HDX: variants seen among roughly 807,000 people sequenced by gnomAD.
HDX encodes the protein highly divergent homeobox.
In HDX, 19 loss-of-function variants were observed where a neutral mutation model predicts 45.2. The ratio of observed to expected loss-of-function variants is 0.42; its 90% CI spans 0.29 to 0.62. HDX has a LOEUF of 0.62. Ranked by LOEUF, HDX falls within the 20% of genes least tolerant of loss-of-function variation. The probability of loss-of-function intolerance (pLI) is 0.20; values close to 1 mark genes in which losing one functional copy is unlikely to be tolerated. For synonymous variants in HDX, 188 were observed against 172.8 expected, an observed-to-expected ratio of 1.09 and a Z score of -0.69; for missense variants, 532 against 493.9, an observed-to-expected ratio of 1.08 and a Z score of -0.73.
At chrX:84,429,362 A>G (rs1185768216) in intron 5 of HDX, among the ~76,000 whole-genome samples, 1 of 110,784 alleles carries the variant, frequency 9.0e-6, no homozygotes, top group Non-Finnish European at 1.9e-5. Flanking sequence ...TTTCACAAAT[A>G]TTTTATAGTT....
intron 4 of HDX, among the ~76,000 whole-genome samples, chrX:84,454,743 A>G (rs189839746): frequency 1.8e-3 from 197 of 110,969 alleles, no homozygotes; most frequent in African/African-American, 6.1e-3. Flanking sequence ...ACGAGGCTAT[A>G]ATTTCCATGG....
intron 6 of HDX, 70 bp downstream of exon 6, chrX:84,361,396 T>C: frequency 1.0e-6 from 1 of 961,201 alleles, no homozygotes; most frequent in Non-Finnish European, 1.5e-6. Flanking sequence ...GAGCACCTCA[T>C]GTAAGATTTT....
intron 10 of HDX, among the ~76,000 whole-genome samples, chrX:84,322,787 G>A (rs2036623947): frequency 9.0e-6 from 1 of 111,278 alleles, no homozygotes; most frequent in African/African-American, 3.2e-5. Flanking sequence ...TTACGCAGCT[G>A]ACAATGCTAA....
chrX:84,366,584 A>G (rs916558405), intron 5 of HDX, among the ~76,000 whole-genome samples: 2 of 111,849 alleles, frequency 1.8e-5, no homozygotes, highest in African/African-American at 3.3e-5. Flanking sequence ...TTTAAACTAT[A>G]CTACAAAGCT....
chrX:84,456,541 T>A (rs1227704719), intron 4 of HDX, among the ~76,000 whole-genome samples: 1 of 110,793 alleles, frequency 9.0e-6, no homozygotes, highest in Admixed American at 9.6e-5. Flanking sequence ...TCAATAACAA[T>A]ATTAAATGTA....
At chrX:84,446,313 C>T (rs1005131243) in intron 4 of HDX, among the ~76,000 whole-genome samples, 13 of 111,555 alleles carry the variant, frequency 1.2e-4, no homozygotes, top group Non-Finnish European at 2.1e-4. Context: ...TATAAATTGT[C>T]AATGTTAGCT....
At position 84,361,575 on chromosome X, in the gene HDX, G is replaced by T. The variant is rs1321501591; in HGVS notation, c.1343C>A (p.Ala448Asp). Reference sequence around the variant, plus strand: ...ATTGTCCCAATACTTCTTAAGGGTGGCTAAGTCTCGGTCACTGAACTGAGT... The same window carrying T: ...ATTGTCCCAATACTTCTTAAGGGTGTCTAAGTCTCGGTCACTGAACTGAGT... ...DRTQFSDRDLATLKKYWDNGM... is the reference protein window; with the variant it reads ...DRTQFSDRDLDTLKKYWDNGM... The change falls in exon 6 of 11, where the codon GCC becomes GAC. Residue 448 changes from alanine to aspartate, a missense_variant. Physicochemically the swap from Ala to Asp is moderately radical, Grantham distance 126. Around this residue, in one of 3 missense-constraint regions of HDX, gnomAD observed 376 missense variants for 343.7 expected, o/e 1.09. Coordinates refer to ENST00000373177, the MANE Select transcript of HDX (RefSeq NM_001177479.2). 8.3e-7 allele frequency: 1 copy of T among 1,201,336 alleles called. No individual in the cohort carries two copies. The highest frequency in any genetic ancestry group is 3.0e-5 in the East Asian group (1 of 33,672).
At chrX:84,334,672 CAA>C (rs60988215) in intron 8 of HDX, among the ~76,000 whole-genome samples, 13 of 51,660 alleles carry the variant, frequency 2.5e-4, no homozygotes, top group African/African-American at 3.3e-4. Flanking sequence ...AAAAAAAAAG[CAA>C]AAAAAAAAAA....
chrX:84,369,676 T>C (rs2037846508), intron 5 of HDX, among the ~76,000 whole-genome samples: 1 of 112,258 alleles, frequency 8.9e-6, no homozygotes, highest in African/African-American at 3.2e-5. Flanking sequence ...GAGTCTTTGA[T>C]TTGCATTTCC....
At chrX:84,387,333 T>G in intron 5 of HDX, among the ~76,000 whole-genome samples, 1 of 111,880 alleles carries the variant, frequency 8.9e-6, no homozygotes, top group East Asian at 2.8e-4. Flanking sequence ...ACGGAGTGAC[T>G]TGTAATGTCT....
intron 5 of HDX, among the ~76,000 whole-genome samples, chrX:84,416,578 A>G (rs2039107495): frequency 1.8e-5 from 2 of 111,125 alleles, no homozygotes. Context: ...AGCAGGAATT[A>G]TATCTTATTA....
intron 5 of HDX, among the ~76,000 whole-genome samples, chrX:84,401,179 C>A (rs1459545069): frequency 8.9e-6 from 1 of 111,778 alleles, no homozygotes; most frequent in Non-Finnish European, 1.9e-5. Context: ...AAAGCAATTG[C>A]AACAAAAGCC....
intron 1 of HDX, among the ~76,000 whole-genome samples, chrX:84,498,527 C>G (rs1243864264): frequency 9.0e-6 from 1 of 111,405 alleles, no homozygotes; most frequent in Non-Finnish European, 1.9e-5. Context: ...AGTTTTAGCT[C>G]ACTGACTCCA....
intron 4 of HDX, among the ~76,000 whole-genome samples, chrX:84,467,073 C>G (rs1428756685): frequency 4.5e-5 from 5 of 111,124 alleles, no homozygotes; most frequent in Non-Finnish European, 9.4e-5. Flanking sequence ...CAATGTTACT[C>G]TAAGCATGCT....
chrX:84,388,813 C>T (rs748776306), intron 5 of HDX, among the ~76,000 whole-genome samples: 3 of 112,165 alleles, frequency 2.7e-5, no homozygotes, highest in African/African-American at 9.7e-5. Context: ...TCAGTCACTT[C>T]AGACTGGTTA....
intron 5 of HDX, among the ~76,000 whole-genome samples, chrX:84,387,018 G>T (rs1343336354): frequency 9.0e-6 from 1 of 111,190 alleles, no homozygotes; most frequent in Non-Finnish European, 1.9e-5. Context: ...CTTCACTCCA[G>T]AGATTTTGGT....
intron 7 of HDX, among the ~76,000 whole-genome samples, chrX:84,341,050 T>C (rs749048501): frequency 9.0e-6 from 1 of 110,959 alleles, no homozygotes; most frequent in Non-Finnish European, 1.9e-5. Context: ...ATCTTTTAGG[T>C]GGAGAAGTGG....
At chrX:84,386,379 G>A (rs1029650427) in intron 5 of HDX, among the ~76,000 whole-genome samples, 4 of 110,528 alleles carry the variant, frequency 3.6e-5, no homozygotes, top group Admixed American at 9.6e-5. Flanking sequence ...GCTGAGTTAC[G>A]GAGGAAACCC....
At chrX:84,472,125 G>A (rs1389497298) in intron 3 of HDX, among the ~76,000 whole-genome samples, 1 of 109,012 alleles carries the variant, frequency 9.2e-6, no homozygotes, top group African/African-American at 3.3e-5. Flanking sequence ...AACACACAAC[G>A]TAACCTATTG....
Sources: allele counts gnomAD v4.1 joint callset (sites outside exome capture counted in the v4.1 genomes callset), GRCh38; gene constraint gnomAD v4.1.1; regional missense constraint gnomAD v4.1.1; transcripts MANE v1.5; gene names NCBI Gene and HGNC (gene_info 2026-07-23, HGNC 2026-07-21).